The following NALCN variants were observed in gnomAD, a reference collection of about 807,000 sequenced individuals.
The protein encoded by NALCN is sodium leak channel NALCN.
Under a neutral mutation model 225.3 loss-of-function variants are expected in NALCN, and 111 were observed. The observed-to-expected ratio is 0.49, with a 90% confidence interval of 0.42 to 0.58. The LOEUF (loss-of-function observed/expected upper bound fraction) is 0.58, where lower values mean the gene tolerates loss of function less well. Ranked by LOEUF, NALCN falls within the 20% of genes least tolerant of loss-of-function variation. NALCN has a pLI of 0.00. For synonymous variants in NALCN, 764 were observed against 769.0 expected, an observed-to-expected ratio of 0.99 and a Z score of 0.11; for missense variants, 1,378 against 2,202.4, an observed-to-expected ratio of 0.63 and a Z score of 7.49.
intron 37 of NALCN, among the ~76,000 whole-genome samples, chr13:101,070,479 A>C (rs923095716): frequency 1.3e-5 from 2 of 152,206 alleles, no homozygotes; most frequent in Non-Finnish European, 2.9e-5. Context: ...AGCCTTATGA[A>C]ATCTATTTCT....
intron 13 of NALCN, among the ~76,000 whole-genome samples, chr13:101,211,617 GT>G (rs1228098120): frequency 2.0e-5 from 3 of 146,432 alleles, no homozygotes; most frequent in Non-Finnish European, 3.0e-5. Flanking sequence ...TAATTTTACA[GT>G]TTTTTTTGGG....
intron 6 of NALCN, among the ~76,000 whole-genome samples, chr13:101,355,109 C>T (rs1408063962): frequency 6.6e-6 from 1 of 152,194 alleles, no homozygotes; most frequent in African/African-American, 2.4e-5. Flanking sequence ...GATGTGCCTG[C>T]TCCCCGTCTG....
At chr13:101,092,532 C>G (rs995926547) in intron 28 of NALCN, among the ~76,000 whole-genome samples, 1 of 152,210 alleles carries the variant, frequency 6.6e-6, no homozygotes, top group Non-Finnish European at 1.5e-5. Context: ...ACCCTGCCCC[C>G]TTCACCTGGC....
intron 14 of NALCN, among the ~76,000 whole-genome samples, chr13:101,191,073 T>G (rs1182564931): frequency 6.6e-6 from 1 of 152,214 alleles, no homozygotes; most frequent in African/African-American, 2.4e-5. Context: ...TTGTAAGATA[T>G]TTTGTAACTG....
At chr13:101,079,188 A>C (rs1383716705) in intron 34 of NALCN, among the ~76,000 whole-genome samples, 1 of 152,190 alleles carries the variant, frequency 6.6e-6, no homozygotes. Flanking sequence ...AGAAGGGACT[A>C]ATACAAATTT....
chr13:101,188,326 T>C (rs1484912249), intron 14 of NALCN, among the ~76,000 whole-genome samples: 1 of 152,028 alleles, frequency 6.6e-6, no homozygotes, highest in Non-Finnish European at 1.5e-5. Flanking sequence ...GTTCTAAAAA[T>C]TGCTGCCACA....
At chr13:101,113,823 C>G (rs17484734) in intron 18 of NALCN, among the ~76,000 whole-genome samples, 1 of 152,124 alleles carries the variant, frequency 6.6e-6, no homozygotes, top group Non-Finnish European at 1.5e-5. Flanking sequence ...GCTTGTTTAA[C>G]GCTCATGGCA....
Position 101,411,344 on chromosome 13 carries a change from AC to A in NALCN, c.-40+4968del, listed in dbSNP as rs1295049401. 3.4e-5 allele frequency among the ~76,000 whole-genome samples: 4 copies of A among 116,102 alleles called. No homozygotes were observed. The South Asian group carries it at 8.9e-4, about 26-fold the overall frequency. 76.2% of individuals were successfully genotyped at this position (116,102 alleles called of 152,430 possible). ...CCATTTCCCCTAAAATAAGCATCAGACTTTTTTTTTTTTTTTTGAGACGGAG... is the reference window on the plus strand; with the variant it reads ...CCATTTCCCCTAAAATAAGCATCAGATTTTTTTTTTTTTTTTGAGACGGAG... On this transcript the variant is annotated intron_variant, in intron 1 of 43. Transcript: ENST00000251127.
At chr13:101,404,166 A>G (rs1285723079) in intron 1 of NALCN, among the ~76,000 whole-genome samples, 1 of 152,148 alleles carries the variant, frequency 6.6e-6, no homozygotes, top group African/African-American at 2.4e-5. Context: ...TTCAACGTCC[A>G]TCTAGTGGTT....
At chr13:101,259,751 TAC>T (rs3061764) in intron 10 of NALCN, among the ~76,000 whole-genome samples, 3 of 131,936 alleles carry the variant, frequency 2.3e-5, no homozygotes, top group East Asian at 2.2e-4. Context: ...TATATATATA[TAC>T]ACACACACAT....
chr13:101,061,782 C>T (rs1200414416), intron 41 of NALCN, among the ~76,000 whole-genome samples, 186 bp downstream of exon 41: 3 of 152,224 alleles, frequency 2.0e-5, no homozygotes, highest in Non-Finnish European at 4.4e-5. Flanking sequence ...TGACTGTGGA[C>T]TAGAGTGAAA....
intron 11 of NALCN, among the ~76,000 whole-genome samples, chr13:101,251,110 C>G (rs2042050109): frequency 6.6e-6 from 1 of 152,062 alleles, no homozygotes; most frequent in African/African-American, 2.4e-5. Flanking sequence ...GTGAGCATAT[C>G]TGACAAATTC....
At chr13:101,294,741 G>T (rs371228919) in intron 7 of NALCN, among the ~76,000 whole-genome samples, 2 of 151,816 alleles carry the variant, frequency 1.3e-5, no homozygotes, top group East Asian at 1.9e-4. Flanking sequence ...GTCACATGGG[G>T]ATGAAGTAAT....
intron 10 of NALCN, among the ~76,000 whole-genome samples, chr13:101,270,753 T>A (rs1322233047): frequency 6.6e-6 from 1 of 152,228 alleles, no homozygotes; most frequent in Non-Finnish European, 1.5e-5. Flanking sequence ...CAAACCCTTC[T>A]ACTGCAGATT....
chr13:101,149,589 C>G (rs1201055079), intron 15 of NALCN, among the ~76,000 whole-genome samples: 1 of 152,190 alleles, frequency 6.6e-6, no homozygotes, highest in Admixed American at 6.5e-5. Context: ...ACAACTTGGT[C>G]ATTGCGCTGT....
intron 6 of NALCN, among the ~76,000 whole-genome samples, chr13:101,369,487 G>A (rs969048641): frequency 2.0e-5 from 3 of 152,164 alleles, no homozygotes; most frequent in Non-Finnish European, 4.4e-5. Context: ...AGACATTCGT[G>A]TATCTGTTCT....
intron 38 of NALCN, 53 bp downstream of exon 38, chr13:101,068,642 T>A: frequency 6.9e-7 from 1 of 1,447,904 alleles, no homozygotes; most frequent in South Asian, 1.7e-5. Flanking sequence ...AATACATAAT[T>A]ATCTAAGTAC....
At chr13:101,225,149 G>A (rs934679128) in intron 13 of NALCN, among the ~76,000 whole-genome samples, 1 of 152,042 alleles carries the variant, frequency 6.6e-6, no homozygotes, top group African/African-American at 2.4e-5. Flanking sequence ...TACTATAGTG[G>A]GTGTCTCCCT....
intron 18 of NALCN, among the ~76,000 whole-genome samples, chr13:101,120,893 C>T (rs1055666271): frequency 4.6e-5 from 7 of 152,166 alleles, no homozygotes; most frequent in Non-Finnish European, 1.0e-4. Flanking sequence ...TACTCCTCAA[C>T]TCATATCAAG....
Sources: gnomAD v4.1 joint callset for allele counts (sites outside exome capture counted in the v4.1 genomes callset) on GRCh38, gnomAD v4.1.1 for gene constraint, MANE v1.5 for transcripts, NCBI Gene and HGNC (gene_info 2026-07-23, HGNC 2026-07-21) for gene names.